Variants in ITGA1 observed in about 807,000 individuals in gnomAD.
ITGA1 encodes the protein integrin alpha-1.
Under a neutral mutation model 145.9 loss-of-function variants are expected in ITGA1, and 85 were observed. The observed-to-expected ratio is 0.58, with a 90% CI of 0.49 to 0.70. ITGA1 has a LOEUF of 0.70. ITGA1 is among the 30% of genes least tolerant of loss of function. ITGA1 has a pLI of 0.00. For synonymous variants in ITGA1, 520 were observed against 495.3 expected, an observed-to-expected ratio of 1.05 and a Z score of -0.66; for missense variants, 1,351 against 1,418.7, an observed-to-expected ratio of 0.95 and a Z score of 0.77.
At chr5:52,930,634 A>G (rs947263155) in intron 21 of ITGA1, among the ~76,000 whole-genome samples, 3 of 152,156 alleles carry the variant, frequency 2.0e-5, no homozygotes, top group African/African-American at 7.2e-5. Context: ...AAGCTTTATC[A>G]AGGAACTTAT....
chr5:52,918,795 A>AAAGAAAAACTGCCAT lies in ITGA1; in HGVS notation c.2054_2068dup (p.Lys685_His689dup). 1 of 1,612,972 alleles carries AAAGAAAAACTGCCAT rather than the reference A, an allele frequency of 6.2e-7. No individual in the cohort carries two copies. The highest frequency in any genetic ancestry group is 1.7e-4 in the Middle Eastern group (1 of 6,058). Reference sequence around the variant, plus strand: ...TTGAGCCAAATAAAGTGAATATTCAAAAGAAAAACTGCCATATGGAGGGAA... The same window carrying AAAGAAAAACTGCCAT: ...TTGAGCCAAATAAAGTGAATATTCAAAAGAAAAACTGCCATAAGAAAAACTGCCATATGGAGGGAA... On this transcript the variant is annotated inframe_insertion, in exon 16 of 29. Coordinates refer to ENST00000282588, the MANE Select transcript of ITGA1 (RefSeq NM_181501.2).
At chr5:52,886,711 T>G (rs1750055381) in intron 7 of ITGA1, among the ~76,000 whole-genome samples, 1 of 152,212 alleles carries the variant, frequency 6.6e-6, no homozygotes, top group African/African-American at 2.4e-5. Flanking sequence ...ACAAAAATTT[T>G]CCATTTCCCT....
intron 20 of ITGA1, 138 bp downstream of exon 20, chr5:52,927,802 G>T: frequency 1.6e-6 from 1 of 617,180 alleles, no homozygotes; most frequent in Admixed American, 2.8e-5. Context: ...TGACAGATTG[G>T]AATATGCTAT....
intron 6 of ITGA1, among the ~76,000 whole-genome samples, chr5:52,875,590 G>C (rs74709369): frequency 2.8e-4 from 43 of 152,214 alleles, no homozygotes; most frequent in African/African-American, 9.9e-4. Context: ...TTTTCCTTCT[G>C]CATGTGACTC....
chr5:52,818,255 T>C (rs1218669870), intron 1 of ITGA1, among the ~76,000 whole-genome samples: 2 of 152,212 alleles, frequency 1.3e-5, no homozygotes, highest in Non-Finnish European at 2.9e-5. Flanking sequence ...ATGGTATGGT[T>C]CTCTAACTAT....
At chr5:52,944,791 T>C in intron 26 of ITGA1, 152 bp from the exon 27 acceptor site, 1 of 545,394 alleles carries the variant, frequency 1.8e-6, no homozygotes, top group Non-Finnish European at 3.2e-6. Context: ...CGGTTATTAT[T>C]TGATACTACC....
intron 2 of ITGA1, among the ~76,000 whole-genome samples, chr5:52,855,011 A>G (rs1322332854): frequency 6.6e-6 from 1 of 152,212 alleles, no homozygotes; most frequent in African/African-American, 2.4e-5. Flanking sequence ...AGTTAAAACT[A>G]ACTTGCATTA....
intron 1 of ITGA1, among the ~76,000 whole-genome samples, chr5:52,807,896 C>T (rs1454183795): frequency 1.3e-5 from 2 of 151,942 alleles, no homozygotes; most frequent in Admixed American, 1.3e-4. Context: ...TAATGACTCA[C>T]CTTAAGTAGC....
At position 52,893,697 on chromosome 5, in the gene ITGA1, G is replaced by A. The variant is rs1331489564; in HGVS notation, c.947G>A (p.Gly316Glu). ...TAGATTCTTGGCAGCTATAACCGAG[G>A]AAATTTAAGCACTGAAAAATTTGTG... ...SIAILGSYNR[G>E]NLSTEKFVEE... The change falls in exon 9 of 29, where the codon GGA becomes GAA. Residue 316 changes from glycine (G) to glutamate (E), a missense_variant. Physicochemically the swap from Gly to Glu is moderately conservative, Grantham distance 98. Transcript: ENST00000282588. 6.2e-7 allele frequency: 1 copy of A among 1,612,584 alleles called. No homozygotes were observed. Among genetic ancestry groups the A allele is most frequent in the South Asian group, 1.1e-5 (1 of 90,892 alleles).
rs927941661 is a variant in ITGA1 at position 52,864,266 on chromosome 5, T to G, written c.296-497T>G. The stretch of plus-strand genomic sequence containing the variant: ...CAAAACTTTCTGGACACTGCTCTAA[T>G]ATTCCTCTAGTTTCCTTTGTCACCC... On this transcript the variant is annotated intron_variant, in intron 3 of 28. Coordinates refer to ENST00000282588, the MANE Select transcript of ITGA1 (RefSeq NM_181501.2). Among the ~76,000 whole-genome samples, 8 of 152,350 alleles carry G rather than the reference T, an allele frequency of 5.3e-5. No individual in the cohort carries two copies. The East Asian group carries it at 1.5e-3, about 29-fold the overall frequency.
At chr5:52,921,814 T>C (rs1256318825) in intron 17 of ITGA1, among the ~76,000 whole-genome samples, 1 of 152,154 alleles carries the variant, frequency 6.6e-6, no homozygotes, top group East Asian at 1.9e-4. Context: ...GCAACGTCGT[T>C]TGGTCTCTTA....
At chr5:52,921,480 A>G (rs1280878153) in intron 17 of ITGA1, among the ~76,000 whole-genome samples, 2 of 152,154 alleles carry the variant, frequency 1.3e-5, no homozygotes, top group Non-Finnish European at 1.5e-5. Flanking sequence ...AGATCAATCT[A>G]TTATTTGGTA....
chr5:52,881,735 C>A lies in ITGA1; in HGVS notation c.625-138C>A, dbSNP rs568202741. ...ACAGAATGGCTATGCTTATTACTGT[C>A]AAAATAGAAGCATTTGTGTACTGAT... On this transcript the variant is annotated intron_variant, in intron 6 of 28. Transcript: ENST00000282588. 367 of 644,918 alleles carry A rather than the reference C, an allele frequency of 5.7e-4. 1 individual carries two copies. Among genetic ancestry groups the A allele is most frequent in the Middle Eastern group, 2.8e-3 (9 of 3,228 alleles). The allele number at this position is 644,918 out of a possible 1,614,324, so 39.9% of individuals were successfully genotyped here.
chr5:52,877,645 G>T (rs1749888101), intron 6 of ITGA1, among the ~76,000 whole-genome samples: 1 of 152,304 alleles, frequency 6.6e-6, no homozygotes, highest in African/African-American at 2.4e-5. Context: ...CTGCAAAACT[G>T]CCCTGAGCTT....
intron 1 of ITGA1, among the ~76,000 whole-genome samples, chr5:52,838,465 C>A (rs1202150554): frequency 6.6e-6 from 1 of 151,916 alleles, no homozygotes; most frequent in African/African-American, 2.4e-5. Context: ...TCATGAAGAC[C>A]TTAATTTATT....
At chr5:52,803,273 A>T (rs1393496823) in intron 1 of ITGA1, 1 of 152,160 alleles carries the variant, frequency 6.6e-6, no homozygotes, top group Non-Finnish European at 1.5e-5. Context: ...ATTTTTGTAC[A>T]TCTATCTCCT....
rs142515634 is a variant in ITGA1, at chr5:52,844,569, T to C, written c.62-4796T>C. 4.3e-3 allele frequency among the ~76,000 whole-genome samples: 658 copies of C among 152,316 alleles called. 5 individuals are homozygous for C. Among genetic ancestry groups the C allele is most frequent in the Middle Eastern group, 0.02 (6 of 294 alleles). The stretch of plus-strand genomic sequence containing the variant: ...CTTATTTTCAGAATGATGATAGTAA[T>C]GGTATTTAATTATAGAGTTGCTGGC... On this transcript the variant is annotated intron_variant, in intron 1 of 28. Coordinates refer to ENST00000282588, the MANE Select transcript of ITGA1 (RefSeq NM_181501.2).
intron 7 of ITGA1, among the ~76,000 whole-genome samples, chr5:52,885,983 A>G (rs1439877873): frequency 6.6e-6 from 1 of 152,230 alleles, no homozygotes; most frequent in East Asian, 1.9e-4. Context: ...TTAAAAGATA[A>G]TATCATGGAA....
intron 1 of ITGA1, among the ~76,000 whole-genome samples, chr5:52,821,620 A>C (rs528171755): frequency 1.1e-4 from 16 of 152,322 alleles, no homozygotes; most frequent in African/African-American, 2.9e-4. Context: ...CAGTATTGTA[A>C]GGAATTCCCA....
Sources: gnomAD v4.1 joint callset for allele counts (sites outside exome capture counted in the v4.1 genomes callset) on GRCh38, gnomAD v4.1.1 for gene constraint, MANE v1.5 for transcripts, NCBI Gene and HGNC (gene_info 2026-07-23, HGNC 2026-07-21) for gene names.